Variants in TASOR observed in about 807,000 individuals in gnomAD.
TASOR encodes transcription activation suppressor.
In TASOR, 53 loss-of-function variants were observed where a neutral mutation model predicts 178.6. The observed-to-expected ratio is 0.30, with a 90% CI of 0.24 to 0.37. TASOR has a LOEUF of 0.37. Ranked by LOEUF, TASOR falls within the 10% of genes least tolerant of loss-of-function variation. TASOR has a pLI of 1.00. For missense variants in TASOR, 1,815 were observed against 1,971.4 expected, an observed-to-expected ratio of 0.92 and a Z score of 1.50; for synonymous variants, 713 against 696.2, an observed-to-expected ratio of 1.02 and a Z score of -0.38.
chr3:56,624,875 C>T lies in TASOR; in HGVS notation c.4271G>A (p.Arg1424Lys). ...TTGCTGTATGTTCTGAGCCTGAAGT[C>T]TGATAAGGCAATCCAATTCTGGAGC... ...RNAPELDCLI[R>K]LQAQNIQQRH... Residue 1424 changes from arginine to lysine, a missense_variant, in exon 22 of 24, where the codon AGA becomes AAA. Coordinates refer to ENST00000683822, the MANE Select transcript of TASOR (RefSeq NM_001365635.2). The T allele has an allele frequency of 6.2e-7, 1 of 1,614,136 alleles. No individual in the cohort carries two copies. Among genetic ancestry groups the T allele is most frequent in the Non-Finnish European group, 8.5e-7 (1 of 1,180,020 alleles).
chr3:56,668,487 C>G lies in TASOR; in HGVS notation c.807G>C (p.Leu269Phe), dbSNP rs930300030. 4 of 1,551,416 alleles carry G rather than the reference C, an allele frequency of 2.6e-6. No homozygotes were observed. In the Admixed American group the frequency reaches 7.8e-5, roughly 30 times the overall value. Residue 269 changes from leucine to phenylalanine, a missense_variant, in exon 6 of 24, where the codon TTG becomes TTC. Around this residue, in one of 5 missense-constraint regions of TASOR, gnomAD observed 504 missense variants for 645.3 expected, o/e 0.78. Coordinates refer to ENST00000683822, the MANE Select transcript of TASOR (RefSeq NM_001365635.2). ...GACATTCATGCTTTGGTGTGGGGTCCAAAGCACTCTTATTTAACATAGATT... is the reference window on the plus strand; with the variant it reads ...GACATTCATGCTTTGGTGTGGGGTCGAAAGCACTCTTATTTAACATAGATT... ...SLESMLNKSALDPTPKHECHV... is the reference protein window; with the variant it reads ...SLESMLNKSAFDPTPKHECHV...
intron 14 of TASOR, among the ~76,000 whole-genome samples, chr3:56,645,812 A>T (rs2077225070): frequency 2.0e-5 from 3 of 152,240 alleles, no homozygotes; most frequent in Admixed American, 2.0e-4. Flanking sequence ...CAACAGCCTA[A>T]AAGATACTAC....
chr3:56,651,142 G>C (rs1019070540), intron 11 of TASOR, among the ~76,000 whole-genome samples: 4 of 151,988 alleles, frequency 2.6e-5, no homozygotes, highest in African/African-American at 9.7e-5. Flanking sequence ...ACAACACTAA[G>C]GCTGACAGAG....
chr3:56,641,795 A>C (rs762333439), intron 14 of TASOR, 43 bp from the exon 15 acceptor site: 10 of 1,542,496 alleles, frequency 6.5e-6, no homozygotes, highest in Non-Finnish European at 8.7e-6. Context: ...GTTTAAAAGC[A>C]AGCATAAAAC....
chr3:56,625,434 G>C (rs890920222), intron 21 of TASOR, among the ~76,000 whole-genome samples: 1 of 152,124 alleles, frequency 6.6e-6, no homozygotes, highest in Non-Finnish European at 1.5e-5. Flanking sequence ...GATCACCTGA[G>C]ATCAGGAGTT....
chr3:56,668,530 A>G lies in TASOR; in HGVS notation c.764T>C (p.Met255Thr). 5.2e-6 allele frequency: 8 copies of G among 1,551,292 alleles called. No homozygotes were observed. Among genetic ancestry groups the G allele is most frequent in the Non-Finnish European group, 7.0e-6 (8 of 1,146,692 alleles). Reference protein sequence around the residue: ...KGKIKSIYDPMGVKSLESMLN... With the variant: ...KGKIKSIYDPTGVKSLESMLN... ...CATAGATTCCAAACTTTTTACACCC[A>G]TGGGGTCATATATACTCTTTATTTT... The change falls in exon 6 of 24, where the codon ATG becomes ACG. Residue 255 changes from methionine (M) to threonine (T), a missense_variant. Transcript: ENST00000683822.
At position 56,683,217 on chromosome 3, in the gene TASOR, C is replaced by T. The variant is rs369462629; in HGVS notation, c.-211G>A. Reference sequence around the variant, plus strand: ...GCGCTGCCCGGTCCTCGGAGCCGCTCCTCCCTCGGGCAGTTCTTCTGCCTT... The same window carrying T: ...GCGCTGCCCGGTCCTCGGAGCCGCTTCTCCCTCGGGCAGTTCTTCTGCCTT... On this transcript the variant is annotated 5_prime_UTR_variant, in exon 1 of 24. Transcript: ENST00000683822. The T allele has an allele frequency of 1.1e-4, 56 of 514,424 alleles. No homozygotes were observed. Among genetic ancestry groups the T allele is most frequent in the African/African-American group, 1.1e-3 (54 of 49,908 alleles). The allele number at this position is 514,424 out of a possible 1,614,324, so 31.9% of individuals were successfully genotyped here. A position where few individuals can be genotyped will look rare whatever the true frequency, so the allele number is the denominator to read the frequency against.
chr3:56,674,822 G>A (rs2031132915), intron 1 of TASOR, among the ~76,000 whole-genome samples: 1 of 152,124 alleles, frequency 6.6e-6, no homozygotes, highest in African/African-American at 2.4e-5. Context: ...CGCATAGTAG[G>A]ACATTGTTTG....
rs1246622969 is a variant in TASOR, at chr3:56,658,558, A to G, written c.1368+2173T>C. Reference sequence around the variant, plus strand: ...GATGAGGAATGCTTGCATTGTAGTCAGGCTTTCAGAAGAAAACAAGCCATG... The same window carrying G: ...GATGAGGAATGCTTGCATTGTAGTCGGGCTTTCAGAAGAAAACAAGCCATG... On this transcript the variant is annotated intron_variant, in intron 11 of 23. Coordinates refer to ENST00000683822, the MANE Select transcript of TASOR (RefSeq NM_001365635.2). Among the ~76,000 whole-genome samples, 3 of 152,336 alleles carry G rather than the reference A, an allele frequency of 2.0e-5. No homozygotes were observed. The East Asian group carries it at 5.8e-4, about 29-fold the overall frequency.
Position 56,648,751 on chromosome 3 carries a change from G to A in TASOR, c.1513+71C>T, listed in dbSNP as rs2077289071. On this transcript the variant is annotated intron_variant, in intron 13 of 23. Transcript: ENST00000683822. Reference sequence around the variant, plus strand: ...GTAAGAAAGACAAAATGTTTAGTGAGTTATCTGGAAAATTTCAATGAAATG... The same window carrying A: ...GTAAGAAAGACAAAATGTTTAGTGAATTATCTGGAAAATTTCAATGAAATG... 6 of 1,120,566 alleles carry A rather than the reference G, an allele frequency of 5.4e-6. No individual in the cohort carries two copies. In the South Asian group the frequency reaches 7.6e-5, roughly 14 times the overall value. 69.4% of individuals were successfully genotyped at this position (1,120,566 alleles called of 1,614,324 possible). A position where few individuals can be genotyped will look rare whatever the true frequency, so the allele number is the denominator to read the frequency against.
intron 14 of TASOR, among the ~76,000 whole-genome samples, chr3:56,644,846 T>C (rs2077203045): frequency 6.6e-6 from 1 of 151,990 alleles, no homozygotes; most frequent in African/African-American, 2.4e-5. Flanking sequence ...TCTGCAATAA[T>C]GGAAATGTTC....
At chr3:56,629,711 G>A (rs1451878923) in intron 18 of TASOR, among the ~76,000 whole-genome samples, 1 of 152,076 alleles carries the variant, frequency 6.6e-6, no homozygotes, top group Middle Eastern at 3.2e-3. Context: ...CAGGATCCTG[G>A]AGGTCATATT....
intron 6 of TASOR, among the ~76,000 whole-genome samples, chr3:56,667,100 C>G (rs2030098850): frequency 6.6e-6 from 1 of 152,190 alleles, no homozygotes; most frequent in African/African-American, 2.4e-5. Flanking sequence ...GTTTGCAAGT[C>G]CTTCTAGAAA....
At chr3:56,640,734 G>A (rs1180079661) in intron 15 of TASOR, among the ~76,000 whole-genome samples, 8 of 152,110 alleles carry the variant, frequency 5.3e-5, no homozygotes, top group African/African-American at 1.4e-4. Flanking sequence ...GGAATACGGT[G>A]CAATCCTAGA....
At chr3:56,660,591 C>T (rs1248647567) in intron 11 of TASOR, 140 bp downstream of exon 11, 4 of 600,306 alleles carry the variant, frequency 6.7e-6, no homozygotes, top group Admixed American at 6.0e-5. Flanking sequence ...CAGTAAAACA[C>T]TGTTAACTAA....
In TASOR at chr3:56,682,639, A is replaced by G. The variant is rs1474969386; in HGVS notation, c.331+37T>C. The stretch of plus-strand genomic sequence containing the variant: ...AGATTCTAATGAAAAGATGGAGGGG[A>G]GAGAGAGAGGGGGTTGAGAAGAAGG... On this transcript the variant is annotated intron_variant, in intron 1 of 23. Transcript: ENST00000683822. 10 of 1,366,042 alleles carry G rather than the reference A, an allele frequency of 7.3e-6. No individual in the cohort carries two copies. The South Asian group carries it at 1.1e-4, about 15-fold the overall frequency. 84.6% of individuals were successfully genotyped at this position (1,366,042 alleles called of 1,614,324 possible). A position where few individuals can be genotyped will look rare whatever the true frequency, so the allele number is the denominator to read the frequency against.
chr3:56,663,525 A>T lies in TASOR; in HGVS notation c.1054+16T>A, dbSNP rs114471978. On this transcript the variant is annotated intron_variant, in intron 8 of 23. Transcript: ENST00000683822. The stretch of plus-strand genomic sequence containing the variant: ...TTCTTTCCATTTATAAAACTAAAGA[A>T]ACATAAATCTCTTACCTATGTTTCT... 2.6e-4 allele frequency: 285 copies of T among 1,095,882 alleles called. No homozygotes were observed. The highest frequency in any genetic ancestry group is 2.3e-3 in the Middle Eastern group (7 of 3,106). The allele number at this position is 1,095,882 out of a possible 1,614,324, so 67.9% of individuals were successfully genotyped here.
intron 13 of TASOR, among the ~76,000 whole-genome samples, 170 bp downstream of exon 13, chr3:56,648,631 CAAAAAAAAAAAAAAAAAAAAA>C (rs56218279): frequency 1.2e-5 from 1 of 84,554 alleles, no homozygotes; most frequent in African/African-American, 4.0e-5. Flanking sequence ...AACTCTGTAT[CAAAAAAAAAAAAAAAAAAAAA>C]AAAAAAAAAT....
At chr3:56,656,304 C>A (rs920376564) in intron 11 of TASOR, among the ~76,000 whole-genome samples, 2 of 152,152 alleles carry the variant, frequency 1.3e-5, no homozygotes, top group African/African-American at 4.8e-5. Context: ...ATACTATTCA[C>A]GGGCCAGGCA....
Sources: allele counts gnomAD v4.1 joint callset (sites outside exome capture counted in the v4.1 genomes callset), GRCh38; gene constraint gnomAD v4.1.1; regional missense constraint gnomAD v4.1.1; transcripts MANE v1.5; gene names NCBI Gene and HGNC (gene_info 2026-07-23, HGNC 2026-07-21).